Variants in TPT1 observed in about 807,000 individuals in gnomAD.
TPT1 encodes the protein translationally-controlled tumor protein.
A neutral mutation model predicts 22.8 loss-of-function variants in TPT1; 5 were observed. The ratio of observed to expected loss-of-function variants is 0.22; its 90% CI spans 0.11 to 0.46. TPT1 has a LOEUF of 0.46. TPT1 is among the 20% of genes least tolerant of loss of function. TPT1 has a pLI of 0.99. For missense variants in TPT1, 130 were observed against 218.7 expected (o/e 0.59, Z 2.56); for synonymous variants, 89 against 73.6 (o/e 1.21, Z -1.07).
In TPT1 at chr13:45,341,150, G is replaced by T; in HGVS notation, c.-81C>A. On this transcript the variant is annotated 5_prime_UTR_variant, in exon 1 of 6. Coordinates refer to ENST00000530705, the MANE Select transcript of TPT1 (RefSeq NM_003295.4). ...GGAGCGAGCGCGGTGCAGCCGGAGCGGCGCTCGGGGGGAGGGGGGAGCGGG... is the reference window on the plus strand; with the variant it reads ...GGAGCGAGCGCGGTGCAGCCGGAGCTGCGCTCGGGGGGAGGGGGGAGCGGG... The T allele has an allele frequency of 5.1e-6, 8 of 1,574,896 alleles. No individual in the cohort carries two copies. Among genetic ancestry groups the T allele is most frequent in the African/African-American group, 1.4e-5 (1 of 73,874 alleles).
intron 5 of TPT1, among the ~76,000 whole-genome samples, chr13:45,337,781 G>A (rs1031861736): frequency 6.6e-6 from 1 of 152,134 alleles, no homozygotes; most frequent in Non-Finnish European, 1.5e-5. Flanking sequence ...ATCTTGTTCA[G>A]TATAGCTTTA....
Position 45,340,024 on chromosome 13 carries a change from T to C in TPT1, c.263A>G (p.Tyr88Cys). The C allele has an allele frequency of 6.2e-7, 1 of 1,614,202 alleles. No individual in the cohort carries two copies. The highest frequency in any genetic ancestry group is 8.5e-7 in the Non-Finnish European group (1 of 1,180,028). Reference protein sequence around the residue: ...LQETSFTKEAYKKYIKDYMKS... With the variant: ...LQETSFTKEACKKYIKDYMKS... ...CATGTAATCTTTGATGTACTTCTTG[T>C]AGGCTTCTTTTGTGAAACTTGTTTC... is the stretch of plus-strand genomic sequence containing the variant. Residue 88 changes from tyrosine (Y) to cysteine (C), a missense_variant, in exon 3 of 6, where the codon TAC becomes TGC. Physicochemically the swap from Tyr to Cys is radical, Grantham distance 194. Transcript: ENST00000530705.
At chr13:45,339,969 G>A in intron 3 of TPT1, 25 bp downstream of exon 3, 4 of 1,611,248 alleles carry the variant, frequency 2.5e-6, no homozygotes, top group Non-Finnish European at 2.5e-6. Context: ...CTAGACATCA[G>A]CTAGGTACTG....
rs1038833445 is a variant in TPT1 at position 45,341,103 on chromosome 13, G to C, written c.-34C>G. 3.7e-6 allele frequency: 6 copies of C among 1,611,284 alleles called. No homozygotes were observed. In the Admixed American group the frequency reaches 8.4e-5, roughly 22 times the overall value. On this transcript the variant is annotated 5_prime_UTR_variant, in exon 1 of 6. Coordinates refer to ENST00000530705, the MANE Select transcript of TPT1 (RefSeq NM_003295.4). ...CTGAAGGGAGACGACGACGGCGCTAGCTTAGCACGAGCCTGAAACTCGGAG... is the reference window on the plus strand; with the variant it reads ...CTGAAGGGAGACGACGACGGCGCTACCTTAGCACGAGCCTGAAACTCGGAG...
rs1878728795 is a variant in TPT1, at chr13:45,336,756, G to T, written c.*630C>A. ...CAACCACCTTAAAGTGTACAAAACA[G>T]GTGGTCAGATAGGCTAGTTTGCCAG... On this transcript the variant is annotated 3_prime_UTR_variant, in exon 6 of 6. Coordinates refer to ENST00000530705, the MANE Select transcript of TPT1 (RefSeq NM_003295.4). 1 of 152,698 alleles carries T rather than the reference G, an allele frequency of 6.5e-6. No individual in the cohort carries two copies. Among genetic ancestry groups the T allele is most frequent in the Non-Finnish European group, 1.5e-5 (1 of 68,428 alleles). The allele number at this position is 152,698 out of a possible 1,614,324, so 9.5% of individuals were successfully genotyped here. A position where few individuals can be genotyped will look rare whatever the true frequency, so the allele number is the denominator to read the frequency against.
chr13:45,337,533 G>C, intron 5 of TPT1, 145 bp from the exon 6 acceptor site: 2 of 1,613,136 alleles, frequency 1.2e-6, no homozygotes, highest in South Asian at 1.1e-5. Context: ...AGAAAGCGCA[G>C]GGATTTCTTT....
At position 45,339,734 on chromosome 13, in the gene TPT1, C is replaced by T. The variant is rs534506552; in HGVS notation, c.294-132G>A. 7 of 803,856 alleles carry T rather than the reference C, an allele frequency of 8.7e-6. No individual in the cohort carries two copies. The Admixed American group carries it at 1.2e-4, about 13-fold the overall frequency. The allele number at this position is 803,856 out of a possible 1,614,324, so 49.8% of individuals were successfully genotyped here. A position where few individuals can be genotyped will look rare whatever the true frequency, so the allele number is the denominator to read the frequency against. The stretch of plus-strand genomic sequence containing the variant: ...ACCAGCTGTTAAGAAATTACTAGTT[C>T]ACAGAAGGTATCTTTCAAGAATGTT... On this transcript the variant is annotated intron_variant, in intron 3 of 5. Transcript: ENST00000530705.
intron 1 of TPT1, 30 bp downstream of exon 1, chr13:45,341,012 G>A: frequency 6.2e-7 from 1 of 1,607,884 alleles, no homozygotes; most frequent in Non-Finnish European, 8.5e-7. Context: ...CCCCGTGTGC[G>A]GCAGTAAGGA....
intron 4 of TPT1, 62 bp downstream of exon 4, chr13:45,339,435 T>C: frequency 6.9e-7 from 1 of 1,458,984 alleles, no homozygotes; most frequent in Non-Finnish European, 9.5e-7. Context: ...TTAATCAACT[T>C]AATTTTTGCT....
rs1878738353 is a variant in TPT1 at position 45,336,881 on chromosome 13, G to T, written c.*505C>A. ...TGAGACAAAGTTGCTTCCACTGAAT[G>T]AGTCTCTTTTTATTCTCTTGGTAAT... On this transcript the variant is annotated 3_prime_UTR_variant, in exon 6 of 6. Coordinates refer to ENST00000530705, the MANE Select transcript of TPT1 (RefSeq NM_003295.4). 1 of 155,334 alleles carries T rather than the reference G, an allele frequency of 6.4e-6. No individual in the cohort carries two copies. The highest frequency in any genetic ancestry group is 1.4e-5 in the Non-Finnish European group (1 of 70,280). 9.6% of individuals were successfully genotyped at this position (155,334 alleles called of 1,614,324 possible).
intron 5 of TPT1, 159 bp from the exon 6 acceptor site, chr13:45,337,547 T>C (rs750425220): frequency 5.6e-6 from 9 of 1,612,090 alleles, no homozygotes; most frequent in Non-Finnish European, 7.6e-6. Context: ...TTTCTTTCTT[T>C]TGCATCCTAG....
At chr13:45,338,579 TCA>T in intron 5 of TPT1, 79 bp downstream of exon 5, 4 of 1,559,230 alleles carry the variant, frequency 2.6e-6, no homozygotes, top group South Asian at 1.2e-5. Flanking sequence ...AAACTCATTC[TCA>T]GTGTCACAAA....
At position 45,339,593 on chromosome 13, in the gene TPT1, C is replaced by T. The variant is rs771804936; in HGVS notation, c.303G>A (p.Gly101=). The part of the protein sequence containing the change: ...YIKDYMKSIK[G]KLEEQRPERV... Reference sequence around the variant, plus strand: ...TTTCTGGTCTCTGTTCTTCAAGTTTCCCTTTGATTCTAAAACAACATTTCA... The same window carrying T: ...TTTCTGGTCTCTGTTCTTCAAGTTTTCCTTTGATTCTAAAACAACATTTCA... The change falls in exon 4 of 6, where the codon GGG becomes GGA. Residue 101 remains glycine, a synonymous_variant. Coordinates refer to ENST00000530705, the MANE Select transcript of TPT1 (RefSeq NM_003295.4). 2.0e-5 allele frequency: 32 copies of T among 1,610,442 alleles called. No individual in the cohort carries two copies. In the South Asian group the frequency reaches 2.8e-4, roughly 14 times the overall value.
intron 3 of TPT1, 89 bp downstream of exon 3, chr13:45,339,905 T>C (rs1878967537): frequency 7.0e-7 from 1 of 1,426,736 alleles, no homozygotes; most frequent in Admixed American, 2.1e-5. Flanking sequence ...CACAAAAGTA[T>C]ACCCACTGCG....
chr13:45,336,442 A>G lies in TPT1; in HGVS notation c.*944T>C, dbSNP rs924247036. 1 of 152,194 alleles carries G rather than the reference A, an allele frequency of 6.6e-6. No individual in the cohort carries two copies. Among genetic ancestry groups the G allele is most frequent in the African/African-American group, 2.4e-5 (1 of 41,446 alleles). 9.4% of individuals were successfully genotyped at this position (152,194 alleles called of 1,614,324 possible). A position where few individuals can be genotyped will look rare whatever the true frequency, so the allele number is the denominator to read the frequency against. On this transcript the variant is annotated 3_prime_UTR_variant, in exon 6 of 6. Transcript: ENST00000530705. ...CAACTGCTCCAGGTCTGTCAAATAG[A>G]TGCATTTTCTTATTCAGACACCCCA...
rs1878588173 is a variant in TPT1, at chr13:45,335,112, GCTTT to G, written c.*2270_*2273del. Reference sequence around the variant, plus strand: ...TAGCATCAAAAACAAAATGTTATGAGCTTTCTGATGTTCACATCCTTATTCTTGC... The same window carrying G: ...TAGCATCAAAAACAAAATGTTATGAGCTGATGTTCACATCCTTATTCTTGC... On this transcript the variant is annotated 3_prime_UTR_variant, in exon 6 of 6. Coordinates refer to ENST00000530705, the MANE Select transcript of TPT1 (RefSeq NM_003295.4). 6.6e-6 allele frequency: 1 copy of G among 152,172 alleles called. No individual in the cohort carries two copies. The highest frequency in any genetic ancestry group is 2.4e-5 in the African/African-American group (1 of 41,448). 9.4% of individuals were successfully genotyped at this position (152,172 alleles called of 1,614,324 possible).
rs78833271 is a variant in TPT1 at position 45,335,257 on chromosome 13, G to T, written c.*2129C>A. 6.6e-6 allele frequency: 1 copy of T among 152,160 alleles called. No individual in the cohort carries two copies. The highest frequency in any genetic ancestry group is 1.5e-5 in the Non-Finnish European group (1 of 68,034). 9.4% of individuals were successfully genotyped at this position (152,160 alleles called of 1,614,324 possible). ...AGGTTTACCATGAGGTAAACAGCTG[G>T]GGTTCATCACTTCTGACTTAAATAG... is the stretch of plus-strand genomic sequence containing the variant. On this transcript the variant is annotated 3_prime_UTR_variant, in exon 6 of 6. Coordinates refer to ENST00000530705, the MANE Select transcript of TPT1 (RefSeq NM_003295.4).
rs1296028172 is a variant in TPT1, at chr13:45,336,379, C to G, written c.*1007G>C. 1 of 152,182 alleles carries G rather than the reference C, an allele frequency of 6.6e-6. No homozygotes were observed. Among genetic ancestry groups the G allele is most frequent in the Non-Finnish European group, 1.5e-5 (1 of 68,040 alleles). 9.4% of individuals were successfully genotyped at this position (152,182 alleles called of 1,614,324 possible). On this transcript the variant is annotated 3_prime_UTR_variant, in exon 6 of 6. Coordinates refer to ENST00000530705, the MANE Select transcript of TPT1 (RefSeq NM_003295.4). ...CAGACGGAAAGCGCAAGGACATGTT[C>G]TTCTTGCATCTGTGGTGGAAACCAT...
At position 45,335,679 on chromosome 13, in the gene TPT1, G is replaced by A. The variant is rs959717381; in HGVS notation, c.*1707C>T. The A allele has an allele frequency of 6.6e-6, 1 of 152,198 alleles. No individual in the cohort carries two copies. The highest frequency in any genetic ancestry group is 6.6e-5 in the Admixed American group (1 of 15,260). The allele number at this position is 152,198 out of a possible 1,614,324, so 9.4% of individuals were successfully genotyped here. The stretch of plus-strand genomic sequence containing the variant: ...ACCTGTAATCCCAACACTTTAGAAG[G>A]CCAAAGCTTGAGATCACTTGAGGCC... On this transcript the variant is annotated 3_prime_UTR_variant, in exon 6 of 6. Coordinates refer to ENST00000530705, the MANE Select transcript of TPT1 (RefSeq NM_003295.4).
Sources: allele counts gnomAD v4.1 joint callset (sites outside exome capture counted in the v4.1 genomes callset), GRCh38; gene constraint gnomAD v4.1.1; transcripts MANE v1.5; gene names NCBI Gene and HGNC (gene_info 2026-07-23, HGNC 2026-07-21).